Variants in ASTN1 observed in about 807,000 individuals in gnomAD.
ASTN1 encodes the protein astrotactin-1.
In ASTN1, 41 loss-of-function variants were observed where a neutral mutation model predicts 140.7. The observed-to-expected ratio is 0.29, with a 90% CI of 0.23 to 0.38. The LOEUF (loss-of-function observed/expected upper bound fraction) is 0.38. Among genes scored for constraint, ASTN1 ranks in the 10% least tolerant of loss-of-function variants. The pLI, the probability that ASTN1 is intolerant of heterozygous loss-of-function variation, is 1.00. For missense variants in ASTN1, 1,479 were observed against 1,678.8 expected, an observed-to-expected ratio of 0.88 and a Z score of 2.08; for synonymous variants, 640 against 652.2, an observed-to-expected ratio of 0.98 and a Z score of 0.29.
intron 9 of ASTN1, among the ~76,000 whole-genome samples, chr1:176,963,844 G>C (rs1672765883): frequency 6.6e-6 from 1 of 152,166 alleles, no homozygotes; most frequent in African/African-American, 2.4e-5. Context: ...ATCCTTGTTG[G>C]AAAGTTTAAT....
At chr1:176,877,812 G>A (rs1031492831) in intron 20 of ASTN1, among the ~76,000 whole-genome samples, 1 of 152,192 alleles carries the variant, frequency 6.6e-6, no homozygotes, top group African/African-American at 2.4e-5. Context: ...CACAGTTACA[G>A]GGAGGGAGAG....
At chr1:177,070,153 GC>G (rs1425942835) in intron 1 of ASTN1, among the ~76,000 whole-genome samples, 1 of 152,164 alleles carries the variant, frequency 6.6e-6, no homozygotes, top group African/African-American at 2.4e-5. Flanking sequence ...TCTGATTTGA[GC>G]TTTGCAAGTC....
chr1:176,862,724 G>A lies in ASTN1; in HGVS notation c.*1560C>T, dbSNP rs1000098187. ...CAACACTAAAATGGAGACAAGAATA[G>A]CACTTTCCTCAGGAGTTGCTGTGAG... On this transcript the variant is annotated 3_prime_UTR_variant, in exon 23 of 23. Coordinates refer to ENST00000361833, the MANE Select transcript of ASTN1 (RefSeq NM_004319.3). 17 of 920,190 alleles carry A rather than the reference G, an allele frequency of 1.8e-5. No individual in the cohort carries two copies. The Admixed American group carries it at 7.4e-4, about 40-fold the overall frequency. The allele number at this position is 920,190 out of a possible 1,614,324, so 57.0% of individuals were successfully genotyped here. A position where few individuals can be genotyped will look rare whatever the true frequency, so the allele number is the denominator to read the frequency against.
intron 8 of ASTN1, among the ~76,000 whole-genome samples, chr1:176,994,023 G>GTA (rs1674315287): frequency 8.4e-6 from 1 of 119,070 alleles, no homozygotes; most frequent in Admixed American, 8.0e-5. Context: ...GTGTACGTGT[G>GTA]TGTGTGTGTG....
chr1:177,120,471 T>C (rs549638504), intron 1 of ASTN1, among the ~76,000 whole-genome samples: 91 of 152,312 alleles, frequency 6.0e-4, no homozygotes, highest in Non-Finnish European at 1.1e-3. Context: ...GGCAAAGCCC[T>C]GACAGAAACT....
At chr1:177,118,742 A>T (rs976109339) in intron 1 of ASTN1, among the ~76,000 whole-genome samples, 3 of 152,158 alleles carry the variant, frequency 2.0e-5, no homozygotes, top group Non-Finnish European at 4.4e-5. Context: ...TTACATGTGT[A>T]TATAATGTTA....
chr1:176,943,789 T>C, intron 14 of ASTN1, 102 bp downstream of exon 14: 1 of 1,381,098 alleles, frequency 7.2e-7, no homozygotes, highest in Admixed American at 2.9e-5. Flanking sequence ...AGGAAATCAC[T>C]GGCTTAGAAA....
In ASTN1 at chr1:176,863,207, G is replaced by T; in HGVS notation, c.*1077C>A. 1 of 985,898 alleles carries T rather than the reference G, an allele frequency of 1.0e-6. No individual in the cohort carries two copies. 61.1% of individuals were successfully genotyped at this position (985,898 alleles called of 1,614,324 possible). ...TCCTGCTTATGGTCATCAGAGAAAC[G>T]ATTTGCAAAACTAGCAACACAAGCA... is the stretch of plus-strand genomic sequence containing the variant. On this transcript the variant is annotated 3_prime_UTR_variant, in exon 23 of 23. Coordinates refer to ENST00000361833, the MANE Select transcript of ASTN1 (RefSeq NM_004319.3).
chr1:176,971,301 A>T (rs2101862615), intron 8 of ASTN1, among the ~76,000 whole-genome samples: 1 of 152,314 alleles, frequency 6.6e-6, no homozygotes, highest in South Asian at 2.1e-4. Flanking sequence ...AGATGGGGAG[A>T]TTATTACATG....
At chr1:176,930,028 G>T (rs80216385) in intron 16 of ASTN1, among the ~76,000 whole-genome samples, 1 of 152,098 alleles carries the variant, frequency 6.6e-6, no homozygotes, top group Admixed American at 6.5e-5. Flanking sequence ...AAGGATAACA[G>T]ATGGTGAGTT....
chr1:177,028,776 T>C (rs1440859448), intron 5 of ASTN1, among the ~76,000 whole-genome samples: 1 of 152,226 alleles, frequency 6.6e-6, no homozygotes, highest in East Asian at 1.9e-4. Context: ...CATTTTAATA[T>C]AATTTAATCC....
chr1:177,056,883 T>C (rs1677834502), intron 2 of ASTN1, among the ~76,000 whole-genome samples: 1 of 152,152 alleles, frequency 6.6e-6, no homozygotes, highest in Admixed American at 6.6e-5. Flanking sequence ...GAGTAAACCA[T>C]TTGCCTTTTA....
intron 8 of ASTN1, chr1:176,981,908 T>C (rs991422752): frequency 1.3e-5 from 2 of 152,454 alleles, no homozygotes; most frequent in Non-Finnish European, 2.9e-5. Flanking sequence ...TGGATTGTTA[T>C]GCTGGGTAGG....
At chr1:177,013,451 C>T (rs980516417) in intron 8 of ASTN1, among the ~76,000 whole-genome samples, 7 of 152,096 alleles carry the variant, frequency 4.6e-5, no homozygotes, top group African/African-American at 1.7e-4. Context: ...TTCTTCTATC[C>T]CTTTATCATA....
intron 8 of ASTN1, among the ~76,000 whole-genome samples, chr1:176,983,026 G>C (rs1673699391): frequency 6.6e-6 from 1 of 152,170 alleles, no homozygotes; most frequent in African/African-American, 2.4e-5. Flanking sequence ...GAAAAGGTCT[G>C]ATGTTTCCAG....
chr1:176,920,216 T>A (rs1670668871), intron 16 of ASTN1, among the ~76,000 whole-genome samples: 1 of 152,162 alleles, frequency 6.6e-6, no homozygotes, highest in Non-Finnish European at 1.5e-5. Context: ...ATCTCCTGCT[T>A]TCTAATTATG....
chr1:176,860,949 A>T, downstream of ASTN1: 1 of 379,988 alleles, frequency 2.6e-6, no homozygotes, highest in Non-Finnish European at 3.6e-6. Flanking sequence ...TAGAATGATG[A>T]CTATAAGGCC....
At chr1:176,954,807 G>A (rs1159922950) in intron 11 of ASTN1, among the ~76,000 whole-genome samples, 1 of 152,168 alleles carries the variant, frequency 6.6e-6, no homozygotes, top group Non-Finnish European at 1.5e-5. Flanking sequence ...GCTTGGAATG[G>A]TGTGACTGTG....
intron 16 of ASTN1, 97 bp downstream of exon 16, chr1:176,934,055 C>T (rs543383278): frequency 3.7e-5 from 47 of 1,267,074 alleles, no homozygotes; most frequent in African/African-American, 1.5e-4. Flanking sequence ...CTGATTGAGT[C>T]GTTACTACAG....
Sources: gnomAD v4.1 joint callset for allele counts (sites outside exome capture counted in the v4.1 genomes callset) on GRCh38, gnomAD v4.1.1 for gene constraint, MANE v1.5 for transcripts, NCBI Gene and HGNC (gene_info 2026-07-23, HGNC 2026-07-21) for gene names.